CNNM2: variants seen among roughly 807,000 people sequenced by gnomAD.
The protein encoded by CNNM2 is metal transporter CNNM2.
Under a neutral mutation model 66.9 loss-of-function variants are expected in CNNM2, and 12 were observed. The ratio of observed to expected loss-of-function variants is 0.18; its 90% confidence interval spans 0.11 to 0.29. CNNM2 has a LOEUF of 0.29. Ranked by LOEUF, CNNM2 falls within the 10% of genes least tolerant of loss-of-function variation. The pLI is 1.00. For missense variants in CNNM2, 705 were observed against 1,167.7 expected (o/e 0.60, Z 5.77); for synonymous variants, 557 against 501.8 (o/e 1.11, Z -1.47).
intron 5 of CNNM2, among the ~76,000 whole-genome samples, chr10:103,070,885 A>G (rs1213450041): frequency 1.3e-5 from 2 of 152,052 alleles, no homozygotes; most frequent in Non-Finnish European, 2.9e-5. Flanking sequence ...AGCGCAGAGC[A>G]CGCCACTGTA....
At chr10:103,052,509 G>A (rs1432560189) in intron 2 of CNNM2, among the ~76,000 whole-genome samples, 2 of 139,400 alleles carry the variant, frequency 1.4e-5, no homozygotes, top group African/African-American at 5.3e-5. Flanking sequence ...TGTGGTTTCA[G>A]GTTTTTTTCT....
At chr10:103,052,232 G>C (rs955619944) in intron 2 of CNNM2, among the ~76,000 whole-genome samples, 1 of 147,384 alleles carries the variant, frequency 6.8e-6, no homozygotes, top group African/African-American at 2.5e-5. Flanking sequence ...AGTGAGCAGA[G>C]ATCGCACCAC....
chr10:103,019,432 G>T (rs2064526507), intron 1 of CNNM2, among the ~76,000 whole-genome samples: 1 of 152,200 alleles, frequency 6.6e-6, no homozygotes. Flanking sequence ...AGTGGGGACA[G>T]TGAATAGAGA....
chr10:102,990,973 T>C (rs2063888082), intron 1 of CNNM2, among the ~76,000 whole-genome samples: 1 of 152,178 alleles, frequency 6.6e-6, no homozygotes, highest in South Asian at 2.1e-4. Flanking sequence ...TCTTACATTT[T>C]CCATTGTGGC....
At chr10:102,921,811 A>C (rs531701693) in intron 1 of CNNM2, among the ~76,000 whole-genome samples, 6 of 152,302 alleles carry the variant, frequency 3.9e-5, no homozygotes, top group African/African-American at 1.2e-4. Context: ...TTACTCATGA[A>C]TTGATAACAC....
In CNNM2 at chr10:102,918,475, C is replaced by G; in HGVS notation, c.-6C>G. ...AGGATGAAGCCGCAGCTGGAGCAGC[C>G]ACCCTATGATTGGCTGTGGCGCTTG... On this transcript the variant is annotated 5_prime_UTR_variant, in exon 1 of 8. Coordinates refer to ENST00000369878, the MANE Select transcript of CNNM2 (RefSeq NM_017649.5). The surrounding 1 kb of genome is among the most constrained non-coding windows in gnomAD (Gnocchi z 4.1). The G allele has an allele frequency of 6.2e-7, 1 of 1,604,668 alleles. No individual in the cohort carries two copies. The highest frequency in any genetic ancestry group is 1.1e-5 in the South Asian group (1 of 89,680).
intron 1 of CNNM2, among the ~76,000 whole-genome samples, chr10:102,967,832 A>C (rs1211638364): frequency 6.6e-6 from 1 of 152,174 alleles, no homozygotes; most frequent in African/African-American, 2.4e-5. Context: ...AACATGGTGA[A>C]ACCCCGTCTC....
chr10:103,040,141 T>C (rs1313611463), intron 1 of CNNM2, among the ~76,000 whole-genome samples: 1 of 152,026 alleles, frequency 6.6e-6, no homozygotes, highest in Non-Finnish European at 1.5e-5. Flanking sequence ...CAGTTCAGCC[T>C]GCTTAACAGA....
At chr10:102,946,526 T>C (rs1028547952) in intron 1 of CNNM2, among the ~76,000 whole-genome samples, 1 of 152,200 alleles carries the variant, frequency 6.6e-6, no homozygotes, top group Non-Finnish European at 1.5e-5. Flanking sequence ...GCAGGACTTT[T>C]TTAAAGCACT....
In CNNM2 at chr10:103,088,300, G is replaced by C. The variant is rs890194727; in HGVS notation, c.*11120G>C. Reference sequence around the variant, plus strand: ...TTAAAATGTTGAAACAACTTTCACTGTACTGGTGAAACAGTTTTAATACCC... The same window carrying C: ...TTAAAATGTTGAAACAACTTTCACTCTACTGGTGAAACAGTTTTAATACCC... On this transcript the variant is annotated 3_prime_UTR_variant, in exon 8 of 8. Coordinates refer to ENST00000369878, the MANE Select transcript of CNNM2 (RefSeq NM_017649.5). 6.6e-6 allele frequency: 1 copy of C among 152,226 alleles called. No homozygotes were observed. The highest frequency in any genetic ancestry group is 1.5e-5 in the Non-Finnish European group (1 of 68,036). The allele number at this position is 152,226 out of a possible 1,614,324, so 9.4% of individuals were successfully genotyped here. A position where few individuals can be genotyped will look rare whatever the true frequency, so the allele number is the denominator to read the frequency against.
At chr10:103,015,665 C>T (rs1271764921) in intron 1 of CNNM2, among the ~76,000 whole-genome samples, 3 of 151,960 alleles carry the variant, frequency 2.0e-5, no homozygotes, top group African/African-American at 7.2e-5. Context: ...ACCAGCCTGG[C>T]GAATGTGGTG....
chr10:102,926,938 T>G (rs948363359), intron 1 of CNNM2, among the ~76,000 whole-genome samples: 1 of 151,976 alleles, frequency 6.6e-6, no homozygotes, highest in Non-Finnish European at 1.5e-5. Flanking sequence ...AGGCTGATCT[T>G]GAACTCCTGG....
intron 1 of CNNM2, among the ~76,000 whole-genome samples, chr10:102,941,458 T>C (rs1395134223): frequency 6.6e-6 from 1 of 152,064 alleles, no homozygotes; most frequent in Admixed American, 6.6e-5. Flanking sequence ...AAAATGATCA[T>C]ATACAACTGG....
intron 1 of CNNM2, among the ~76,000 whole-genome samples, chr10:102,979,392 T>G (rs1759501800): frequency 6.6e-6 from 1 of 152,236 alleles, no homozygotes; most frequent in African/African-American, 2.4e-5. Flanking sequence ...CAGGCCTTTG[T>G]GCTAGCTGCC....
intron 1 of CNNM2, among the ~76,000 whole-genome samples, chr10:102,989,487 TA>T (rs145634520): frequency 2.0e-4 from 30 of 149,826 alleles, no homozygotes; most frequent in East Asian, 1.8e-3. Context: ...AAAGTGAGTT[TA>T]AAAAAAAAAT....
chr10:103,086,875 CTA>C lies in CNNM2; in HGVS notation c.*9697_*9698del, dbSNP rs1750789799. On this transcript the variant is annotated 3_prime_UTR_variant, in exon 8 of 8. Transcript: ENST00000369878. ...CACCATCAGAGTTTTCACTGACTATCTATCTTTGCAGAGATGAATGAATGTAC... is the reference window on the plus strand; with the variant it reads ...CACCATCAGAGTTTTCACTGACTATCTCTTTGCAGAGATGAATGAATGTAC... 1 of 152,084 alleles carries C rather than the reference CTA, an allele frequency of 6.6e-6. No individual in the cohort carries two copies. The highest frequency in any genetic ancestry group is 2.1e-4 in the South Asian group (1 of 4,826). 9.4% of individuals were successfully genotyped at this position (152,084 alleles called of 1,614,324 possible).
chr10:103,049,906 G>C lies in CNNM2; in HGVS notation c.1765+56G>C, dbSNP rs761857676. On this transcript the variant is annotated intron_variant, in intron 2 of 7. Coordinates refer to ENST00000369878, the MANE Select transcript of CNNM2 (RefSeq NM_017649.5). The stretch of plus-strand genomic sequence containing the variant: ...AAACCTTTGCTTTTTTTGTTGTGCT[G>C]TTTGTGAGTCTTCTGACGTTTCTCC... The C allele has an allele frequency of 2.6e-6, 4 of 1,565,966 alleles. No individual in the cohort carries two copies. In the African/African-American group the frequency reaches 4.1e-5, roughly 16 times the overall value.
Position 103,089,096 on chromosome 10 carries a change from A to C in CNNM2, c.*11916A>C, listed in dbSNP as rs1564889290. 4.4e-6 allele frequency: 1 copy of C among 226,468 alleles called. No homozygotes were observed. Among genetic ancestry groups the C allele is most frequent in the Non-Finnish European group, 8.8e-6 (1 of 113,908 alleles). The allele number at this position is 226,468 out of a possible 1,614,324, so 14.0% of individuals were successfully genotyped here. A position where few individuals can be genotyped will look rare whatever the true frequency, so the allele number is the denominator to read the frequency against. ...TGCCCTAAAGCAACGCAAGTAGAGCATACTTCTGTGCAAAGCCAGTGATAG... is the reference window on the plus strand; with the variant it reads ...TGCCCTAAAGCAACGCAAGTAGAGCCTACTTCTGTGCAAAGCCAGTGATAG... On this transcript the variant is annotated 3_prime_UTR_variant, in exon 8 of 8. Coordinates refer to ENST00000369878, the MANE Select transcript of CNNM2 (RefSeq NM_017649.5).
intron 1 of CNNM2, among the ~76,000 whole-genome samples, chr10:103,006,014 G>A (rs112150523): frequency 7.8e-4 from 119 of 152,196 alleles, no homozygotes; most frequent in African/African-American, 2.7e-3. Context: ...GAATGTAATC[G>A]TGTCATATGC....
Sources: allele counts gnomAD v4.1 joint callset (sites outside exome capture counted in the v4.1 genomes callset), GRCh38; gene constraint gnomAD v4.1.1; non-coding constraint Gnocchi (gnomAD v3.1); transcripts MANE v1.5; gene names NCBI Gene and HGNC (gene_info 2026-07-23, HGNC 2026-07-21).